TMEM67: variants seen among roughly 807,000 people sequenced by gnomAD.
TMEM67 encodes the protein meckelin.
A neutral mutation model predicts 136.6 loss-of-function variants in TMEM67; 124 were observed. That is an observed-to-expected ratio of 0.91 (90% CI 0.78 to 1.05). TMEM67 has a LOEUF of 1.05. Ranked by LOEUF, TMEM67 falls within the 50% of genes least tolerant of loss-of-function variation. The probability of loss-of-function intolerance (pLI) is 0.00; values close to 1 mark genes in which losing one functional copy is unlikely to be tolerated. For missense variants in TMEM67, 1,107 were observed against 1,178.4 expected, an observed-to-expected ratio of 0.94 and a Z score of 0.89; for synonymous variants, 364 against 390.5, an observed-to-expected ratio of 0.93 and a Z score of 0.80.
chr8:93,782,361 T>A, intron 10 of TMEM67, 34 bp from the exon 11 acceptor site: 1 of 1,545,826 alleles, frequency 6.5e-7, no homozygotes, highest in African/African-American at 1.4e-5. Flanking sequence ...AGAAAACATT[T>A]GTGAGATTTA....
rs150362001 is a variant in TMEM67 at position 93,769,249 on chromosome 8, C to T, written c.652-3340C>T. Among the ~76,000 whole-genome samples the T allele has an allele frequency of 4.3e-4, 65 of 152,320 alleles. 3 individuals are homozygous for T. The East Asian group carries it at 7.9e-3, about 19-fold the overall frequency. On this transcript the variant is annotated intron_variant, in intron 6 of 27. Transcript: ENST00000453321. Reference sequence around the variant, plus strand: ...CCTGCAAGGCAACGGCCATAGGAGGCGAGCAAGGGGTACCTGCTGCCTCAG... The same window carrying T: ...CCTGCAAGGCAACGGCCATAGGAGGTGAGCAAGGGGTACCTGCTGCCTCAG...
intron 11 of TMEM67, among the ~76,000 whole-genome samples, 155 bp downstream of exon 11, chr8:93,782,615 C>G (rs1813896305): frequency 1.4e-5 from 2 of 147,198 alleles, no homozygotes; most frequent in Admixed American, 1.4e-4. Flanking sequence ...CTCTTGTTGC[C>G]CAGGCTGGAG....
intron 23 of TMEM67, among the ~76,000 whole-genome samples, chr8:93,805,160 C>T (rs1159086987): frequency 6.6e-6 from 1 of 152,058 alleles, no homozygotes; most frequent in Non-Finnish European, 1.5e-5. Flanking sequence ...TTAGTAGAGA[C>T]GAGGTTTCAC....
At chr8:93,823,115 T>C (rs1413564687), downstream of TMEM67, among the ~76,000 whole-genome samples, 2 of 152,178 alleles carry the variant, frequency 1.3e-5, no homozygotes, top group Admixed American at 6.5e-5. Context: ...ATTACCAAAA[T>C]TGAGTGGCTT....
chr8:93,812,733 T>C (rs990173416), intron 26 of TMEM67, among the ~76,000 whole-genome samples: 1 of 152,222 alleles, frequency 6.6e-6, no homozygotes, highest in Non-Finnish European at 1.5e-5. Context: ...AATGTTATTA[T>C]TGTTATTATT....
upstream of TMEM67, chr8:93,754,855 C>A (rs759085291): frequency 1.3e-6 from 2 of 1,533,252 alleles, no homozygotes; most frequent in African/African-American, 1.4e-5. Context: ...ATCAGCTCAG[C>A]GAAGCCGCCG....
At chr8:93,814,289 G>A (rs530284401) in intron 26 of TMEM67, among the ~76,000 whole-genome samples, 4 of 151,556 alleles carry the variant, frequency 2.6e-5, no homozygotes, top group Admixed American at 6.6e-5. Flanking sequence ...ACAGGCGCCC[G>A]CCACCATGCG....
Position 93,808,829 on chromosome 8 carries a change from T to C in TMEM67, c.2440-11T>C, listed in dbSNP as rs767482660. ...AATTTTGATCTTAACTTAAATTCTT[T>C]AACTTTTCAGGAAAATTTGTGTAGC... On this transcript the variant is annotated splice_polypyrimidine_tract_variant and intron_variant, in intron 23 of 27. Coordinates refer to ENST00000453321, the MANE Select transcript of TMEM67 (RefSeq NM_153704.6). 6 of 1,564,248 alleles carry C rather than the reference T, an allele frequency of 3.8e-6. No individual in the cohort carries two copies. The Admixed American group carries it at 1.0e-4, about 26-fold the overall frequency.
Position 93,797,369 on chromosome 8 carries a change from A to T in TMEM67, c.1999A>T (p.Ile667Leu). The change falls in exon 20 of 28, where the codon ATA (isoleucine) becomes TTA (leucine). Residue 667 changes from isoleucine to leucine, a missense_variant. Ile to Leu is a conservative substitution (Grantham distance 5). Transcript: ENST00000453321. The part of the protein sequence containing the change: ...GVRSATVPVS[I>L]WRTYFVANEW... The stretch of plus-strand genomic sequence containing the variant: ...ACGAAGTGCCACTGTTCCTGTAAGC[A>T]TATGGAGAACATATTTTGTAGCAAA... 1 of 1,614,182 alleles carries T rather than the reference A, an allele frequency of 6.2e-7. No individual in the cohort carries two copies. The highest frequency in any genetic ancestry group is 8.5e-7 in the Non-Finnish European group (1 of 1,180,006).
rs760403200 is a variant in TMEM67, at chr8:93,815,309, A to T, written c.2769A>T (p.Glu923Asp). ...PMEKSIFYND[E>D]GYSFSSVLYY... ...TTTTCTAAATTTTTTTAATAGATGAAGGTTATTCTTTCAGCAGTGTCCTGT... is the reference window on the plus strand; with the variant it reads ...TTTTCTAAATTTTTTTAATAGATGATGGTTATTCTTTCAGCAGTGTCCTGT... Residue 923 changes from glutamate (E) to aspartate (D), a missense_variant, in exon 27 of 28, where the codon GAA (glutamate) becomes GAT (aspartate). This residue lies in a region of TMEM67 where 925 missense variants were observed against 1,002.4 expected (regional missense o/e 0.92). Transcript: ENST00000453321. 1 of 1,556,134 alleles carries T rather than the reference A, an allele frequency of 6.4e-7. No homozygotes were observed. Among genetic ancestry groups the T allele is most frequent in the Admixed American group, 1.9e-5 (1 of 53,528 alleles).
At position 93,780,719 on chromosome 8, in the gene TMEM67, C is replaced by G. The variant is rs1351074194; in HGVS notation, c.841C>G (p.Leu281Val). 1 of 1,613,986 alleles carries G rather than the reference C, an allele frequency of 6.2e-7. No homozygotes were observed. Among genetic ancestry groups the G allele is most frequent in the South Asian group, 1.1e-5 (1 of 91,082 alleles). Reference protein sequence around the residue: ...FQFIFENTAGLSTVHSISFWR... With the variant: ...FQFIFENTAGVSTVHSISFWR... ...GTTTATCTTTGAAAATACTGCTGGA[C>G]TGAGCACTGTTCATTCTATTTCATT... The change falls in exon 8 of 28, where the codon CTG (leucine) becomes GTG (valine). Residue 281 changes from leucine to valine, a missense_variant. Transcript: ENST00000453321.
chr8:93,755,089 GCCCTCT>G lies in TMEM67; in HGVS notation c.177_182del (p.Leu60_Ser61del). ...CAACAACCAGTACTTTGATATCTCC[GCCCTCT>G]CGTGTGTTCCTTGTGGAGCTAACCA... On this transcript the variant is annotated inframe_deletion, in exon 1 of 28. Coordinates refer to ENST00000453321, the MANE Select transcript of TMEM67 (RefSeq NM_153704.6). 6.2e-7 allele frequency: 1 copy of G among 1,614,128 alleles called. No homozygotes were observed. Among genetic ancestry groups the G allele is most frequent in the South Asian group, 1.1e-5 (1 of 91,080 alleles).
intron 13 of TMEM67, 37 bp downstream of exon 13, chr8:93,786,383 T>C: frequency 6.2e-7 from 1 of 1,606,406 alleles, no homozygotes. Context: ...TATGGGAAAA[T>C]ATCATAATGG....
In TMEM67 at chr8:93,806,315, T is replaced by G. The variant is rs116796126; in HGVS notation, c.2439+1437T>G. Among the ~76,000 whole-genome samples, 327 of 152,306 alleles carry G rather than the reference T, an allele frequency of 2.1e-3. 3 individuals carry two copies. The highest frequency in any genetic ancestry group is 7.7e-3 in the African/African-American group (322 of 41,572). On this transcript the variant is annotated intron_variant, in intron 23 of 27. Transcript: ENST00000453321. Reference sequence around the variant, plus strand: ...GGGAGATTTTTAGTGGACTAAATGTTAAGGAATAACTAATTTTGTTAGGTA... The same window carrying G: ...GGGAGATTTTTAGTGGACTAAATGTGAAGGAATAACTAATTTTGTTAGGTA...
intron 20 of TMEM67, 28 bp downstream of exon 20, chr8:93,797,498 C>T (rs781128180): frequency 4.1e-5 from 66 of 1,597,414 alleles, no homozygotes; most frequent in Non-Finnish European, 5.0e-5. Context: ...TGATTATATG[C>T]GACTTACATG....
chr8:93,803,757 C>CT, intron 22 of TMEM67, 73 bp downstream of exon 22: 1 of 924,002 alleles, frequency 1.1e-6, no homozygotes, highest in Non-Finnish European at 1.8e-6. Flanking sequence ...TTAAGAGAGA[C>CT]TTTAAAAGTG....
Position 93,780,895 on chromosome 8 carries a change from G to C in TMEM67, c.891G>C (p.Leu297=). Residue 297 remains leucine, a synonymous_variant, in exon 9 of 28, where the codon CTG becomes CTC. Transcript: ENST00000453321. ...ISFWRQNLPW[L]FYGDQLGLAP... is the part of the protein sequence containing the mutation. ...ATAGGAGACAGAATCTTCCTTGGCT[G>C]TTTTATGGAGACCAGTTAGGATTAG... 1 of 1,612,040 alleles carries C rather than the reference G, an allele frequency of 6.2e-7. No homozygotes were observed. The highest frequency in any genetic ancestry group is 8.5e-7 in the Non-Finnish European group (1 of 1,179,478).
chr8:93,756,144 A>G (rs2130530738), intron 2 of TMEM67: 2 of 317,096 alleles, frequency 6.3e-6, no homozygotes, highest in South Asian at 7.6e-5. Context: ...CTCGGTTATG[A>G]AGAAAATTAG....
At chr8:93,822,419 A>G (rs980711399), downstream of TMEM67, among the ~76,000 whole-genome samples, 3 of 152,214 alleles carry the variant, frequency 2.0e-5, no homozygotes, top group African/African-American at 7.2e-5. Flanking sequence ...TTAATCTGTA[A>G]CTTTTGGTTG....
Sources: allele counts gnomAD v4.1 joint callset (sites outside exome capture counted in the v4.1 genomes callset), GRCh38; gene constraint gnomAD v4.1.1; regional missense constraint gnomAD v4.1.1; transcripts MANE v1.5; gene names NCBI Gene and HGNC (gene_info 2026-07-23, HGNC 2026-07-21).